The following MEI4 variants were observed in gnomAD, a reference collection of about 807,000 sequenced individuals.
MEI4 encodes the protein meiotic double-stranded break formation protein 4.
MEI4 carries 27 observed loss-of-function variants against 31.4 expected under a neutral mutation model. The ratio of observed to expected loss-of-function variants is 0.86; its 90% CI spans 0.63 to 1.19. MEI4 has a LOEUF of 1.19. Ranked by LOEUF, MEI4 falls within the 50% of genes most tolerant of loss-of-function variation. The probability of loss-of-function intolerance (pLI) is 0.00; values close to 1 mark genes in which losing one functional copy is unlikely to be tolerated. For missense variants in MEI4, 329 were observed against 398.9 expected, an observed-to-expected ratio of 0.82 and a Z score of 1.49; for synonymous variants, 122 against 145.4, an observed-to-expected ratio of 0.84 and a Z score of 1.16.
At chr6:77,685,586 C>T (rs1385310203) in intron 1 of MEI4, among the ~76,000 whole-genome samples, 1 of 152,016 alleles carries the variant, frequency 6.6e-6, no homozygotes. Context: ...ACTTTTGTTG[C>T]CTGTCCTTCT....
intron 3 of MEI4, among the ~76,000 whole-genome samples, chr6:77,803,837 T>C (rs1769347176): frequency 6.6e-6 from 1 of 152,114 alleles, no homozygotes. Flanking sequence ...ATGGAAGTTT[T>C]GTCTCAGAGG....
intron 1 of MEI4, among the ~76,000 whole-genome samples, chr6:77,676,523 T>C (rs913096112): frequency 5.3e-5 from 8 of 151,856 alleles, no homozygotes; most frequent in African/African-American, 1.5e-4. Flanking sequence ...CAAGACCCAT[T>C]TCAATAATAA....
chr6:77,726,528 A>G lies in MEI4; in HGVS notation c.233-34602A>G, dbSNP rs150165312. Among the ~76,000 whole-genome samples the G allele has an allele frequency of 1.4e-3, 213 of 152,312 alleles. 1 individual carries two copies. Among genetic ancestry groups the G allele is most frequent in the African/African-American group, 4.5e-3 (187 of 41,564 alleles). On this transcript the variant is annotated intron_variant, in intron 2 of 4. Transcript: ENST00000684080. Reference sequence around the variant, plus strand: ...CAATAAGCAGGGGTTTCTACAACCCAGGAAGGGAAGAACATCCTGAGGTTT... The same window carrying G: ...CAATAAGCAGGGGTTTCTACAACCCGGGAAGGGAAGAACATCCTGAGGTTT...
intron 2 of MEI4, among the ~76,000 whole-genome samples, chr6:77,700,079 G>C (rs1766179798): frequency 6.6e-6 from 1 of 152,232 alleles, no homozygotes; most frequent in South Asian, 2.1e-4. Context: ...CCCGTTCTCA[G>C]ATCTCCAGCT....
chr6:77,711,624 C>G (rs920075803), intron 2 of MEI4, among the ~76,000 whole-genome samples: 10 of 152,142 alleles, frequency 6.6e-5, no homozygotes, highest in Non-Finnish European at 1.5e-4. Context: ...GTGCTGCTGG[C>G]ACAGCTGGGT....
intron 1 of MEI4, among the ~76,000 whole-genome samples, chr6:77,668,090 T>C (rs1260010061): frequency 6.6e-6 from 1 of 151,910 alleles, no homozygotes; most frequent in Non-Finnish European, 1.5e-5. Context: ...ACTGATTATG[T>C]CCACCACCAA....
At chr6:77,907,584 G>C (rs879066928) in intron 4 of MEI4, among the ~76,000 whole-genome samples, 1 of 152,138 alleles carries the variant, frequency 6.6e-6, no homozygotes, top group Admixed American at 6.5e-5. Context: ...TGGGAATAGT[G>C]CTGCAATAAA....
chr6:77,776,173 GT>G (rs1768436706), intron 3 of MEI4, among the ~76,000 whole-genome samples: 1 of 98,156 alleles, frequency 1.0e-5, no homozygotes, highest in Non-Finnish European at 2.0e-5. Context: ...TTTTGTTTTT[GT>G]TTTTGTTTTT....
At position 77,829,016 on chromosome 6, in the gene MEI4, T is replaced by C. The variant is rs1770019440; in HGVS notation, c.854T>C (p.Leu285Pro). Reference protein sequence around the residue: ...LLRKSIISLLLSEVNGFADDL... With the variant: ...LLRKSIISLLPSEVNGFADDL... ...AGAAAATCTATTATATCTCTGCTTC[T>C]ATCAGAAGTAAATGGCTTTGCTGAT... is the stretch of plus-strand genomic sequence containing the variant. The change falls in exon 4 of 5, where the codon CTA becomes CCA. Residue 285 changes from leucine to proline, a missense_variant. By Grantham distance (98) the Leu-to-Pro change is moderately conservative. Coordinates refer to ENST00000684080, the MANE Select transcript of MEI4 (RefSeq NM_001322247.2). The C allele has an allele frequency of 8.1e-7, 1 of 1,231,932 alleles. No homozygotes were observed. Among genetic ancestry groups the C allele is most frequent in the African/African-American group, 1.6e-5 (1 of 64,406 alleles). The allele number at this position is 1,231,932 out of a possible 1,614,324, so 76.3% of individuals were successfully genotyped here. A position where few individuals can be genotyped will look rare whatever the true frequency, so the allele number is the denominator to read the frequency against.
chr6:77,805,127 G>GA (rs1174526544), intron 3 of MEI4, among the ~76,000 whole-genome samples: 7 of 152,032 alleles, frequency 4.6e-5, no homozygotes, highest in Non-Finnish European at 8.8e-5. Context: ...TTATTGTAGA[G>GA]AAAAAATACC....
intron 3 of MEI4, among the ~76,000 whole-genome samples, chr6:77,815,535 TTTC>T (rs1459443609): frequency 1.3e-5 from 2 of 152,106 alleles, no homozygotes; most frequent in East Asian, 3.9e-4. Context: ...GAGTTGACTT[TTTC>T]TTTTTTGTTA....
intron 2 of MEI4, among the ~76,000 whole-genome samples, chr6:77,742,738 G>A (rs1263067914): frequency 3.3e-5 from 5 of 152,018 alleles, no homozygotes; most frequent in African/African-American, 7.3e-5. Flanking sequence ...TTCTTCTAGG[G>A]TTTTTATGGT....
In MEI4 at chr6:77,733,477, C is replaced by T. The variant is rs923169114; in HGVS notation, c.233-27653C>T. Among the ~76,000 whole-genome samples the T allele has an allele frequency of 5.4e-4, 82 of 151,834 alleles. 1 individual carries two copies. Among genetic ancestry groups the T allele is most frequent in the Admixed American group, 7.2e-4 (11 of 15,258 alleles). ...TTCTGTGTGATCGGTGGTGGTATCC[C>T]GTTTATCATTTTTTATTGTGTCTAT... is the stretch of plus-strand genomic sequence containing the variant. On this transcript the variant is annotated intron_variant, in intron 2 of 4. Coordinates refer to ENST00000684080, the MANE Select transcript of MEI4 (RefSeq NM_001322247.2).
chr6:77,709,798 T>G (rs75897258), intron 2 of MEI4, among the ~76,000 whole-genome samples: 1,569 of 152,336 alleles, frequency 0.01, 26 homozygotes, highest in African/African-American at 0.035. Flanking sequence ...AAAACCTAAA[T>G]GTGTTAATAA....
chr6:77,855,668 C>T (rs1770729805), intron 4 of MEI4, among the ~76,000 whole-genome samples: 1 of 152,134 alleles, frequency 6.6e-6, no homozygotes, highest in African/African-American at 2.4e-5. Flanking sequence ...ACAACTGTCA[C>T]ATTATTAAGG....
chr6:77,677,959 CAG>C (rs1224537001), intron 1 of MEI4, among the ~76,000 whole-genome samples: 2 of 152,142 alleles, frequency 1.3e-5, no homozygotes, highest in Non-Finnish European at 2.9e-5. Context: ...CAATTAGACT[CAG>C]AAACCATGTT....
At chr6:77,681,498 A>G (rs1768956653) in intron 1 of MEI4, among the ~76,000 whole-genome samples, 1 of 152,222 alleles carries the variant, frequency 6.6e-6, no homozygotes, top group Non-Finnish European at 1.5e-5. Flanking sequence ...TTATGGATTT[A>G]CATAGTGGAA....
At chr6:77,911,811 A>G (rs1766441743) in intron 4 of MEI4, among the ~76,000 whole-genome samples, 1 of 150,970 alleles carries the variant, frequency 6.6e-6, no homozygotes, top group South Asian at 2.1e-4. Flanking sequence ...TGTATTTGCT[A>G]TTGTGAATAG....
At chr6:77,796,933 A>G (rs1248273450) in intron 3 of MEI4, among the ~76,000 whole-genome samples, 1 of 152,208 alleles carries the variant, frequency 6.6e-6, no homozygotes, top group Non-Finnish European at 1.5e-5. Flanking sequence ...CCTGTTTTGA[A>G]ACTATATCAT....
Sources: gnomAD v4.1 joint callset for allele counts (sites outside exome capture counted in the v4.1 genomes callset) on GRCh38, gnomAD v4.1.1 for gene constraint, MANE v1.5 for transcripts, NCBI Gene and HGNC (gene_info 2026-07-23, HGNC 2026-07-21) for gene names.